The following KDM6A variants were observed in gnomAD, a reference collection of about 807,000 sequenced individuals.
KDM6A encodes the protein lysine demethylase 6A, also known as lysine-specific demethylase 6A.
A neutral mutation model predicts 117.6 loss-of-function variants in KDM6A; 11 were observed. The ratio of observed to expected loss-of-function variants is 0.09; its 90% confidence interval spans 0.06 to 0.15. The LOEUF (loss-of-function observed/expected upper bound fraction) is 0.15, where lower values mean the gene tolerates loss of function less well. Among genes scored for constraint, KDM6A ranks in the 10% least tolerant of loss-of-function variants. The pLI, the probability that KDM6A is intolerant of heterozygous loss-of-function variation, is 1.00. For synonymous variants in KDM6A, 384 were observed against 396.1 expected (o/e 0.97, Z 0.36); for missense variants, 799 against 1,077.3 (o/e 0.74, Z 3.62).
rs1470615487 is a variant in KDM6A, at chrX:44,891,788, G to A, written c.225+17801G>A. Among the ~76,000 whole-genome samples, 4 of 111,481 alleles carry A rather than the reference G, an allele frequency of 3.6e-5. No individual in the cohort carries two copies. The Admixed American group carries it at 3.8e-4, about 11-fold the overall frequency. On this transcript the variant is annotated intron_variant, in intron 2 of 29. Transcript: ENST00000611820. The stretch of plus-strand genomic sequence containing the variant: ...GGACTTCACATTTTTTATTTGGCCC[G>A]ATTGGCTAGCAACTTAGAACTTTTT...
chrX:45,021,596 T>G (rs754226813), intron 6 of KDM6A, among the ~76,000 whole-genome samples: 9 of 111,183 alleles, frequency 8.1e-5, no homozygotes, highest in African/African-American at 2.9e-4. Context: ...AGGTTAAAAA[T>G]AAAAAAAACT....
chrX:45,022,726 A>T (rs753060911), intron 6 of KDM6A, among the ~76,000 whole-genome samples: 29 of 111,745 alleles, frequency 2.6e-4, no homozygotes, highest in Non-Finnish European at 5.1e-4. Context: ...TTTCCACAAC[A>T]TTAAGCTGTT....
chrX:45,076,882 C>G (rs1206180625), intron 19 of KDM6A, 56 bp downstream of exon 19: 6 of 1,045,692 alleles, frequency 5.7e-6, no homozygotes, highest in Non-Finnish European at 8.0e-6. Context: ...ACCTGTCTTT[C>G]ATAAAATCTT....
intron 3 of KDM6A, among the ~76,000 whole-genome samples, chrX:44,963,499 C>CTGTCTG (rs796328734): frequency 9.9e-5 from 8 of 81,124 alleles, no homozygotes; most frequent in African/African-American, 1.2e-4. Flanking sequence ...GTCTGTCTGT[C>CTGTCTG]TCTGTCTGTC....
At chrX:44,896,108 C>G (rs1304907118) in intron 2 of KDM6A, among the ~76,000 whole-genome samples, 1 of 105,580 alleles carries the variant, frequency 9.5e-6, no homozygotes, top group Non-Finnish European at 1.9e-5. Context: ...GAGTCTGGCT[C>G]AGTCACCCAG....
At chrX:45,075,509 A>G (rs918895567) in intron 18 of KDM6A, among the ~76,000 whole-genome samples, 10 of 111,810 alleles carry the variant, frequency 8.9e-5, no homozygotes, top group Admixed American at 1.9e-4. Flanking sequence ...TTAAAAGTCA[A>G]TTATTTTAAA....
chrX:45,015,609 A>G (rs1227904256), intron 5 of KDM6A, among the ~76,000 whole-genome samples: 1 of 111,812 alleles, frequency 8.9e-6, no homozygotes, highest in African/African-American at 3.3e-5. Context: ...GCATGGTGGT[A>G]CCATTGATTC....
chrX:45,107,610 TAAA>T, intron 28 of KDM6A, 74 bp downstream of exon 28: 1 of 1,067,854 alleles, frequency 9.4e-7, no homozygotes, highest in East Asian at 3.1e-5. Context: ...TCTTTATTTT[TAAA>T]AAACTTTTTT....
At chrX:45,066,652 T>G (rs2044547247) in intron 17 of KDM6A, among the ~76,000 whole-genome samples, 1 of 112,362 alleles carries the variant, frequency 8.9e-6, no homozygotes, top group Admixed American at 9.4e-5. Flanking sequence ...AAAGCCTTTG[T>G]TATGATTGTA....
chrX:44,913,171 G>C (rs754911789), intron 2 of KDM6A, among the ~76,000 whole-genome samples: 1 of 111,725 alleles, frequency 9.0e-6, no homozygotes, highest in East Asian at 2.8e-4. Flanking sequence ...CCTTTATGGT[G>C]ATCCACTTCC....
chrX:44,996,431 A>C (rs1388618380), intron 4 of KDM6A, among the ~76,000 whole-genome samples: 1 of 108,370 alleles, frequency 9.2e-6, no homozygotes, highest in Non-Finnish European at 1.9e-5. Context: ...TCAGGTCTCT[A>C]CAGTCTTGGG....
chrX:44,941,499 A>T (rs5905910), intron 2 of KDM6A, among the ~76,000 whole-genome samples: 23,771 of 98,445 alleles, frequency 0.24, 4,279 homozygotes, highest in African/African-American at 0.61. Context: ...TTTTTTTTTT[A>T]AAATAGAGTC....
intron 2 of KDM6A, among the ~76,000 whole-genome samples, chrX:44,892,516 C>T (rs374079038): frequency 4.6e-5 from 5 of 109,567 alleles, no homozygotes; most frequent in Non-Finnish European, 7.6e-5. Context: ...GGTGAAACCC[C>T]GTCTCCACTA....
chrX:45,104,828 G>T (rs774093425), intron 27 of KDM6A, among the ~76,000 whole-genome samples: 10 of 111,980 alleles, frequency 8.9e-5, no homozygotes, highest in African/African-American at 2.9e-4. Context: ...TATAAATTCT[G>T]GAGCAGAATT....
At position 45,012,096 on chromosome X, in the gene KDM6A, G is replaced by GT. The variant is rs371213952; in HGVS notation, c.443+1080dup. Among the ~76,000 whole-genome samples, 631 of 107,918 alleles carry GT rather than the reference G, an allele frequency of 5.8e-3. 5 individuals carry two copies. Among genetic ancestry groups the GT allele is most frequent in the African/African-American group, 0.02 (594 of 29,681 alleles). 93.7% of individuals were successfully genotyped at this position (107,918 alleles called of 115,157 possible). A position where few individuals can be genotyped will look rare whatever the true frequency, so the allele number is the denominator to read the frequency against. On this transcript the variant is annotated intron_variant, in intron 5 of 29. Transcript: ENST00000611820. ...AGCCCCCACGCTGGCATCATCATTT[G>GT]TTTAAAAAACAAAACTACATAGCAG...
rs1187504018 is a variant in KDM6A at position 45,019,397 on chromosome X, A to C, written c.444-1213A>C. Among the ~76,000 whole-genome samples, 4 of 112,008 alleles carry C rather than the reference A, an allele frequency of 3.6e-5. No homozygotes were observed. In the East Asian group the frequency reaches 1.1e-3, roughly 31 times the overall value. ...TGTTCCACCCCTCACTGCCATCTGC[A>C]ATAAACACTACCTTTTAGGACTCTT... On this transcript the variant is annotated intron_variant, in intron 5 of 29. Coordinates refer to ENST00000611820, the MANE Select transcript of KDM6A (RefSeq NM_001291415.2).
intron 2 of KDM6A, among the ~76,000 whole-genome samples, chrX:44,931,615 A>G (rs973034252): frequency 1.8e-5 from 2 of 111,469 alleles, no homozygotes; most frequent in African/African-American, 6.5e-5. Context: ...ATAAAAGGAC[A>G]AATACTGTAT....
In KDM6A at chrX:44,933,737, C is replaced by G. The variant is rs1040056144; in HGVS notation, c.226-27547C>G. ...GGACTATAGGTGCCCACCACCATGC[C>G]TGGCTAATTCTGGTAGTTTTAGTAG... On this transcript the variant is annotated intron_variant, in intron 2 of 29. Transcript: ENST00000611820. 5.5e-5 allele frequency among the ~76,000 whole-genome samples: 6 copies of G among 110,012 alleles called. No individual in the cohort carries two copies. The Admixed American group carries it at 5.8e-4, about 11-fold the overall frequency.
chrX:45,079,438 C>T, intron 21 of KDM6A, 87 bp downstream of exon 21: 1 of 635,581 alleles, frequency 1.6e-6, no homozygotes, highest in Non-Finnish European at 2.5e-6. Context: ...CTTTTATATG[C>T]ATCTCATCAT....
Sources: gnomAD v4.1 joint callset for allele counts (sites outside exome capture counted in the v4.1 genomes callset) on GRCh38, gnomAD v4.1.1 for gene constraint, MANE v1.5 for transcripts, NCBI Gene and HGNC (gene_info 2026-07-23, HGNC 2026-07-21) for gene names.